TACR3: variants seen among roughly 807,000 people sequenced by gnomAD.
The protein encoded by TACR3 is tachykinin receptor 3, also known as neuromedin-K receptor.
In TACR3, 34 loss-of-function variants were observed where a neutral mutation model predicts 35.0. The ratio of observed to expected loss-of-function variants is 0.97; its 90% CI spans 0.74 to 1.30. The LOEUF (loss-of-function observed/expected upper bound fraction) is 1.30, where lower values mean the gene tolerates loss of function less well. Ranked by LOEUF, TACR3 falls within the 50% of genes most tolerant of loss-of-function variation. TACR3 has a pLI of 0.00. For missense variants in TACR3, 558 were observed against 591.7 expected (o/e 0.94, Z 0.59); for synonymous variants, 233 against 221.1 (o/e 1.05, Z -0.48).
intron 1 of TACR3, among the ~76,000 whole-genome samples, chr4:103,704,105 C>CAAAAAAAAAAAAAAAAA (rs59034473): frequency 9.3e-5 from 6 of 64,612 alleles, no homozygotes; most frequent in Non-Finnish European, 1.1e-4. Context: ...CTCTATCTCA[C>CAAAAAAAAAAAAAAAAA]AAAAAAAAAA....
intron 3 of TACR3, among the ~76,000 whole-genome samples, chr4:103,640,320 A>C (rs766109822): frequency 3.3e-4 from 50 of 152,036 alleles, no homozygotes; most frequent in Non-Finnish European, 7.1e-4. Flanking sequence ...TTTTTTTGGC[A>C]AAGGAAATCT....
At chr4:103,615,189 C>T (rs1033710382) in intron 3 of TACR3, among the ~76,000 whole-genome samples, 12 of 152,020 alleles carry the variant, frequency 7.9e-5, no homozygotes, top group African/African-American at 2.7e-4. Context: ...AGCCACCGCG[C>T]CCGTCCTATG....
chr4:103,648,182 T>C (rs1315946236), intron 3 of TACR3, among the ~76,000 whole-genome samples: 9 of 152,162 alleles, frequency 5.9e-5, no homozygotes, highest in Non-Finnish European at 1.3e-4. Flanking sequence ...TATTTATTTC[T>C]GTGGGTACAT....
At chr4:103,611,336 A>G (rs1221067854) in intron 3 of TACR3, among the ~76,000 whole-genome samples, 1 of 152,106 alleles carries the variant, frequency 6.6e-6, no homozygotes, top group Admixed American at 6.6e-5. Context: ...GAGATCTTCC[A>G]TCTCCTCGGT....
In TACR3 at chr4:103,719,825, G is replaced by A; in HGVS notation, c.-150C>T. ...CTGAAAGATACTGCAATCCCTGCTG[G>A]TTAGGGGATGCAGCTGGGGCTAAGG... On this transcript the variant is annotated 5_prime_UTR_variant, in exon 1 of 5. Coordinates refer to ENST00000304883, the MANE Select transcript of TACR3 (RefSeq NM_001059.3). 1.9e-6 allele frequency: 2 copies of A among 1,028,934 alleles called. No homozygotes were observed. Among genetic ancestry groups the A allele is most frequent in the Non-Finnish European group, 2.8e-6 (2 of 704,536 alleles). 63.7% of individuals were successfully genotyped at this position (1,028,934 alleles called of 1,614,324 possible).
In TACR3 at chr4:103,683,576, T is replaced by C. The variant is rs920516916; in HGVS notation, c.549-25173A>G. Among the ~76,000 whole-genome samples, 4 of 145,962 alleles carry C rather than the reference T, an allele frequency of 2.7e-5. No individual in the cohort carries two copies. The Admixed American group carries it at 2.8e-4, about 10-fold the overall frequency. ...GAGAAACAGGCATTCAAAAAGAGTATAATACTACACACATATATAAATAGA... is the reference window on the plus strand; with the variant it reads ...GAGAAACAGGCATTCAAAAAGAGTACAATACTACACACATATATAAATAGA... On this transcript the variant is annotated intron_variant, in intron 1 of 4. Coordinates refer to ENST00000304883, the MANE Select transcript of TACR3 (RefSeq NM_001059.3).
At chr4:103,654,888 AT>A (rs980890928) in intron 3 of TACR3, among the ~76,000 whole-genome samples, 1 of 152,136 alleles carries the variant, frequency 6.6e-6, no homozygotes, top group Non-Finnish European at 1.5e-5. Flanking sequence ...GCGGGTTGAA[AT>A]TACAAAGGGG....
chr4:103,609,410 T>G (rs1011911231), intron 3 of TACR3, among the ~76,000 whole-genome samples: 2 of 152,126 alleles, frequency 1.3e-5, no homozygotes, highest in Non-Finnish European at 2.9e-5. Context: ...TGCTTTTTAT[T>G]ATAAGAAATA....
At chr4:103,695,542 T>A (rs1290907781) in intron 1 of TACR3, among the ~76,000 whole-genome samples, 1 of 152,174 alleles carries the variant, frequency 6.6e-6, no homozygotes, top group Non-Finnish European at 1.5e-5. Context: ...ACATATAACA[T>A]ACAAAATATG....
intron 3 of TACR3, among the ~76,000 whole-genome samples, chr4:103,594,220 C>T (rs1723955847): frequency 6.6e-6 from 1 of 151,802 alleles, no homozygotes; most frequent in Non-Finnish European, 1.5e-5. Flanking sequence ...TCTTGTCACC[C>T]AGGCTGGAGT....
intron 3 of TACR3, among the ~76,000 whole-genome samples, chr4:103,638,478 A>G: frequency 6.6e-6 from 1 of 152,078 alleles, no homozygotes; most frequent in Non-Finnish European, 1.5e-5. Flanking sequence ...ACCTAAAACC[A>G]TAAAAACCCT....
intron 1 of TACR3, among the ~76,000 whole-genome samples, chr4:103,680,522 T>C (rs968946776): frequency 1.4e-5 from 2 of 146,720 alleles, no homozygotes; most frequent in Non-Finnish European, 3.0e-5. Context: ...CATATATATA[T>C]ACACATATAT....
At chr4:103,597,985 G>T (rs1298287932) in intron 3 of TACR3, among the ~76,000 whole-genome samples, 1 of 152,156 alleles carries the variant, frequency 6.6e-6, no homozygotes, top group African/African-American at 2.4e-5. Flanking sequence ...GGATGGCTAG[G>T]TCAAATGGTA....
chr4:103,716,482 A>G (rs73838915), intron 1 of TACR3, among the ~76,000 whole-genome samples: 6,882 of 152,174 alleles, frequency 0.045, 511 homozygotes, highest in African/African-American at 0.16. Flanking sequence ...GTGAAAATAG[A>G]AAGTAAGTAA....
chr4:103,635,735 A>T (rs2110315237), intron 3 of TACR3, among the ~76,000 whole-genome samples: 1 of 151,990 alleles, frequency 6.6e-6, no homozygotes, highest in Non-Finnish European at 1.5e-5. Flanking sequence ...TATTTGATGA[A>T]TCTCAATCAT....
Position 103,719,271 on chromosome 4 carries a change from G to A in TACR3, c.405C>T (p.Ala135=), listed in dbSNP as rs1167215653. The change falls in exon 1 of 5, where the codon GCC becomes GCT. Residue 135 remains alanine (A), a synonymous_variant. Coordinates refer to ENST00000304883, the MANE Select transcript of TACR3 (RefSeq NM_001059.3). ...VNLAFSDASM[A]AFNTLVNFIY... ...TGAAATTGACCAACGTGTTGAAGGC[G>A]GCCATGGAGGCGTCGGAGAAAGCCA... is the stretch of plus-strand genomic sequence containing the variant. The A allele has an allele frequency of 6.2e-7, 1 of 1,614,234 alleles. No individual in the cohort carries two copies. Among genetic ancestry groups the A allele is most frequent in the Non-Finnish European group, 8.5e-7 (1 of 1,180,046 alleles).
chr4:103,661,467 T>C (rs1657015132), intron 1 of TACR3, among the ~76,000 whole-genome samples: 1 of 152,158 alleles, frequency 6.6e-6, no homozygotes, highest in African/African-American at 2.4e-5. Context: ...TCTTTTGCTT[T>C]GTTGCTTGCT....
At chr4:103,687,374 A>G (rs953017072) in intron 1 of TACR3, among the ~76,000 whole-genome samples, 15 of 152,204 alleles carry the variant, frequency 9.9e-5, no homozygotes, top group African/African-American at 3.6e-4. Context: ...CCTATTCAAC[A>G]TAGTGTTGGA....
In TACR3 at chr4:103,664,544, A is replaced by G. The variant is rs1326396871; in HGVS notation, c.549-6141T>C. ...ATGATACGAATTTTACTCTCTTCCA[A>G]TCAATTTGCTCCTGGTCATAGTAGC... On this transcript the variant is annotated intron_variant, in intron 1 of 4. Transcript: ENST00000304883. Among the ~76,000 whole-genome samples the G allele has an allele frequency of 4.6e-5, 7 of 152,220 alleles. 1 individual carries two copies. The South Asian group carries it at 1.0e-3, about 23-fold the overall frequency.
Sources: gnomAD v4.1 joint callset for allele counts (sites outside exome capture counted in the v4.1 genomes callset) on GRCh38, gnomAD v4.1.1 for gene constraint, MANE v1.5 for transcripts, NCBI Gene and HGNC (gene_info 2026-07-23, HGNC 2026-07-21) for gene names.